CFAP221: variants seen among roughly 807,000 people sequenced by gnomAD.
CFAP221 encodes cilia and flagella associated protein 221.
A neutral mutation model predicts 113.1 loss-of-function variants in CFAP221; 97 were observed. The observed-to-expected ratio is 0.86, with a 90% CI of 0.73 to 1.02. CFAP221 has a LOEUF of 1.02. Among genes scored for constraint, CFAP221 ranks in the 50% least tolerant of loss-of-function variants. CFAP221 has a pLI of 0.00. For synonymous variants in CFAP221, 331 were observed against 354.4 expected (o/e 0.93, Z 0.74); for missense variants, 1,025 against 1,013.4 (o/e 1.01, Z -0.16).
chr2:119,585,805 A>G (rs1403016623), intron 6 of CFAP221, among the ~76,000 whole-genome samples: 2 of 152,214 alleles, frequency 1.3e-5, no homozygotes, highest in Non-Finnish European at 2.9e-5. Flanking sequence ...TCTGGGATAC[A>G]CTGGAGACCC....
chr2:119,615,095 A>G (rs1440902122), intron 13 of CFAP221, among the ~76,000 whole-genome samples: 1 of 151,858 alleles, frequency 6.6e-6, no homozygotes, highest in African/African-American at 2.4e-5. Flanking sequence ...AAGAACCTAC[A>G]GTGCCTCAGG....
In CFAP221 at chr2:119,615,712, A is replaced by T; in HGVS notation, c.1410+3A>T. Reference sequence around the variant, plus strand: ...GGTTTCAACAAGTAGCACGCAAGGTAAGTCTCAGCACCAGCTGGAAATGTT... The same window carrying T: ...GGTTTCAACAAGTAGCACGCAAGGTTAGTCTCAGCACCAGCTGGAAATGTT... On this transcript the variant is annotated splice_donor_region_variant and intron_variant, in intron 14 of 23. Transcript: ENST00000413369. The T allele has an allele frequency of 6.3e-7, 1 of 1,599,066 alleles. No individual in the cohort carries two copies. Among genetic ancestry groups the T allele is most frequent in the South Asian group, 1.1e-5 (1 of 89,640 alleles).
chr2:119,584,528 A>T (rs866225409), intron 6 of CFAP221, among the ~76,000 whole-genome samples: 32 of 152,132 alleles, frequency 2.1e-4, no homozygotes, highest in African/African-American at 7.0e-4. Flanking sequence ...TCAAGGCTGC[A>T]GTGAGCTATG....
intron 20 of CFAP221, among the ~76,000 whole-genome samples, chr2:119,639,073 C>CG (rs915122874): frequency 1.3e-4 from 19 of 148,694 alleles, no homozygotes; most frequent in African/African-American, 3.7e-4. Flanking sequence ...CTAACCACCC[C>CG]GGGGGGGTGG....
chr2:119,574,294 G>C (rs965195209), intron 6 of CFAP221, among the ~76,000 whole-genome samples: 2 of 152,146 alleles, frequency 1.3e-5, no homozygotes, highest in Non-Finnish European at 2.9e-5. Context: ...AGGGTTTTCT[G>C]TCTAGTCTGT....
intron 11 of CFAP221, 22 bp downstream of exon 11, chr2:119,605,311 G>A (rs1314984393): frequency 2.6e-6 from 4 of 1,559,408 alleles, no homozygotes; most frequent in Non-Finnish European, 3.5e-6. Flanking sequence ...GCAATTGTTT[G>A]TATCAAGTGT....
chr2:119,596,711 G>T (rs142089740), intron 7 of CFAP221, among the ~76,000 whole-genome samples: 1 of 152,260 alleles, frequency 6.6e-6, no homozygotes, highest in East Asian at 1.9e-4. Context: ...GATTGTTAGC[G>T]TCTCAGTATG....
intron 14 of CFAP221, among the ~76,000 whole-genome samples, chr2:119,620,510 G>A (rs989909937): frequency 2.1e-4 from 32 of 152,156 alleles, no homozygotes; most frequent in African/African-American, 7.7e-4. Context: ...AAGTGAAGGA[G>A]AAATAAAATC....
intron 6 of CFAP221, among the ~76,000 whole-genome samples, chr2:119,583,647 C>A (rs1292094072): frequency 6.6e-6 from 1 of 152,040 alleles, no homozygotes; most frequent in Non-Finnish European, 1.5e-5. Context: ...CTATAAGATA[C>A]CTGGTGCTAT....
intron 15 of CFAP221, among the ~76,000 whole-genome samples, chr2:119,626,122 C>G (rs1362096502): frequency 1.3e-5 from 2 of 152,168 alleles, no homozygotes; most frequent in African/African-American, 2.4e-5. Flanking sequence ...CTTATGGCCC[C>G]TTCCCCACAT....
intron 16 of CFAP221, among the ~76,000 whole-genome samples, chr2:119,628,270 T>TTCTCTC (rs143060958): frequency 2.1e-5 from 3 of 142,558 alleles, no homozygotes; most frequent in Admixed American, 6.9e-5. Flanking sequence ...CACAACCCAC[T>TTCTCTC]TCTCTCTCTC....
chr2:119,590,759 C>G (rs1683543028), intron 7 of CFAP221, among the ~76,000 whole-genome samples: 1 of 152,198 alleles, frequency 6.6e-6, no homozygotes, highest in African/African-American at 2.4e-5. Context: ...GATTCCAGAG[C>G]AGAGCCATTA....
intron 8 of CFAP221, 76 bp from the exon 9 acceptor site, chr2:119,604,596 T>C (rs1422029041): frequency 1.2e-5 from 16 of 1,352,426 alleles, no homozygotes; most frequent in Non-Finnish European, 1.5e-5. Flanking sequence ...TGTGGTGTTA[T>C]CAGAAGGAAC....
At chr2:119,593,955 C>T (rs1302329939) in intron 7 of CFAP221, among the ~76,000 whole-genome samples, 1 of 152,204 alleles carries the variant, frequency 6.6e-6, no homozygotes, top group Non-Finnish European at 1.5e-5. Flanking sequence ...ATAAGGCATC[C>T]ACCCACATGA....
chr2:119,657,063 T>C (rs1000317011), downstream of CFAP221, among the ~76,000 whole-genome samples: 13 of 152,112 alleles, frequency 8.5e-5, no homozygotes, highest in Non-Finnish European at 1.8e-4. Context: ...AGCCAGGAGT[T>C]CCAGTGAACA....
chr2:119,562,536 G>A (rs1026298864), intron 6 of CFAP221, among the ~76,000 whole-genome samples: 2 of 152,154 alleles, frequency 1.3e-5, no homozygotes, highest in Non-Finnish European at 1.5e-5. Context: ...GGGTGGAGGG[G>A]TTGGGGGCAT....
intron 6 of CFAP221, among the ~76,000 whole-genome samples, chr2:119,565,321 T>C (rs914929824): frequency 6.6e-6 from 1 of 152,194 alleles, no homozygotes; most frequent in Admixed American, 6.5e-5. Context: ...TGGGCAAATA[T>C]AGCAATTTTT....
chr2:119,610,244 G>A (rs1685057631), intron 12 of CFAP221, among the ~76,000 whole-genome samples: 1 of 152,146 alleles, frequency 6.6e-6, no homozygotes, highest in Admixed American at 6.5e-5. Context: ...AGACGCCCTG[G>A]AATATGGGAG....
chr2:119,659,211 C>G (rs11678053), downstream of CFAP221, among the ~76,000 whole-genome samples: 1 of 151,940 alleles, frequency 6.6e-6, no homozygotes, highest in Non-Finnish European at 1.5e-5. Flanking sequence ...CATCTCCTTG[C>G]GAGAAACACA....
Sources: gnomAD v4.1 joint callset for allele counts (sites outside exome capture counted in the v4.1 genomes callset) on GRCh38, gnomAD v4.1.1 for gene constraint, MANE v1.5 for transcripts, NCBI Gene and HGNC (gene_info 2026-07-23, HGNC 2026-07-21) for gene names.